TAF4B: variants seen among roughly 807,000 people sequenced by gnomAD.
TAF4B encodes the protein TATA-box binding protein associated factor 4b.
TAF4B carries 38 observed loss-of-function variants against 86.4 expected under a neutral mutation model. The ratio of observed to expected loss-of-function variants is 0.44; its 90% CI spans 0.34 to 0.58. The LOEUF is 0.58. Ranked by LOEUF, TAF4B falls within the 20% of genes least tolerant of loss-of-function variation. The pLI, the probability that TAF4B is intolerant of heterozygous loss-of-function variation, is 0.02. For synonymous variants in TAF4B, 388 were observed against 391.2 expected (o/e 0.99, Z 0.10); for missense variants, 988 against 1,027.6 (o/e 0.96, Z 0.53).
chr18:26,282,187 A>ACAG, intron 6 of TAF4B, 127 bp downstream of exon 6: 1 of 750,788 alleles, frequency 1.3e-6, no homozygotes, highest in Non-Finnish European at 2.2e-6. Context: ...GAAACCTCTG[A>ACAG]GTGCTTTTGT....
At chr18:26,246,219 A>G (rs778883274) in intron 1 of TAF4B, among the ~76,000 whole-genome samples, 1 of 152,190 alleles carries the variant, frequency 6.6e-6, no homozygotes, top group Non-Finnish European at 1.5e-5. Flanking sequence ...ATATAGAGAA[A>G]TGTAGGCTGG....
At chr18:26,339,686 A>G (rs1472952955) in intron 13 of TAF4B, among the ~76,000 whole-genome samples, 1 of 152,222 alleles carries the variant, frequency 6.6e-6, no homozygotes, top group African/African-American at 2.4e-5. Flanking sequence ...ACAAGCAGGC[A>G]TATCTTTATT....
chr18:26,365,109 C>T (rs1359181605), intron 14 of TAF4B, among the ~76,000 whole-genome samples: 1 of 149,410 alleles, frequency 6.7e-6, no homozygotes, highest in Non-Finnish European at 1.5e-5. Flanking sequence ...TGGATTCAAG[C>T]GATTCTCCTG....
chr18:26,244,503 T>A (rs2055892312), intron 1 of TAF4B, among the ~76,000 whole-genome samples: 2 of 152,176 alleles, frequency 1.3e-5, no homozygotes, highest in Non-Finnish European at 2.9e-5. Flanking sequence ...TAAAGGCAAT[T>A]CCCTGACCCC....
At chr18:26,363,980 C>T (rs919925348) in intron 14 of TAF4B, among the ~76,000 whole-genome samples, 14 of 152,136 alleles carry the variant, frequency 9.2e-5, no homozygotes, top group African/African-American at 3.4e-4. Flanking sequence ...AAAAACATAG[C>T]ACTTTAACAT....
chr18:26,374,818 C>G (rs764894527), intron 14 of TAF4B, among the ~76,000 whole-genome samples: 2 of 152,068 alleles, frequency 1.3e-5, no homozygotes, highest in Non-Finnish European at 2.9e-5. Context: ...GCATTTTTCT[C>G]AAGAATTCCA....
At chr18:26,306,666 C>G (rs2056797872) in intron 9 of TAF4B, among the ~76,000 whole-genome samples, 1 of 152,164 alleles carries the variant, frequency 6.6e-6, no homozygotes, top group Non-Finnish European at 1.5e-5. Context: ...ACAGTACTTT[C>G]TAGTAATTCA....
At chr18:26,308,777 CA>C (rs1171933457) in intron 9 of TAF4B, among the ~76,000 whole-genome samples, 1 of 145,978 alleles carries the variant, frequency 6.9e-6, no homozygotes, top group Non-Finnish European at 1.5e-5. Flanking sequence ...GAGGCTGGGA[CA>C]GGGGAATCGC....
chr18:26,240,278 TCTC>T (rs2055816800), intron 1 of TAF4B, among the ~76,000 whole-genome samples: 1 of 152,182 alleles, frequency 6.6e-6, no homozygotes, highest in Admixed American at 6.5e-5. Flanking sequence ...GGTTTGTAGT[TCTC>T]CTTGAAGAGG....
chr18:26,242,066 T>C (rs2055847789), intron 1 of TAF4B, among the ~76,000 whole-genome samples: 1 of 152,154 alleles, frequency 6.6e-6, no homozygotes, highest in South Asian at 2.1e-4. Flanking sequence ...ATTCTGTTGA[T>C]TTGGGGTGGA....
chr18:26,292,218 A>C, intron 7 of TAF4B, 28 bp from the exon 8 acceptor site: 1 of 1,607,238 alleles, frequency 6.2e-7, no homozygotes, highest in Non-Finnish European at 8.5e-7. Flanking sequence ...AAGTTGAACA[A>C]CTATATTGAT....
chr18:26,272,316 C>T (rs2056330334), intron 3 of TAF4B, among the ~76,000 whole-genome samples: 2 of 152,202 alleles, frequency 1.3e-5, no homozygotes, highest in Non-Finnish European at 2.9e-5. Context: ...GCTGGCCTGA[C>T]AGGAGGCAAA....
At chr18:26,314,036 A>G (rs532503328) in intron 9 of TAF4B, among the ~76,000 whole-genome samples, 2 of 152,016 alleles carry the variant, frequency 1.3e-5, no homozygotes, top group African/African-American at 4.8e-5. Flanking sequence ...CCTCATCCCT[A>G]ATGTGTTGTT....
chr18:26,235,890 G>A (rs2055740999), intron 1 of TAF4B, among the ~76,000 whole-genome samples: 1 of 152,226 alleles, frequency 6.6e-6, no homozygotes. Context: ...TTTGGTTTTT[G>A]TACTCCTAGA....
chr18:26,228,274 G>T (rs916873468), intron 1 of TAF4B, among the ~76,000 whole-genome samples: 1 of 152,170 alleles, frequency 6.6e-6, no homozygotes, highest in Non-Finnish European at 1.5e-5. Flanking sequence ...TGCAAAGATG[G>T]TAAAAAAGGG....
intron 11 of TAF4B, 63 bp from the exon 12 acceptor site, chr18:26,326,952 A>G: frequency 6.4e-7 from 1 of 1,562,518 alleles, no homozygotes; most frequent in African/African-American, 1.4e-5. Flanking sequence ...TTTATACAAT[A>G]CCTAATGTAG....
chr18:26,362,867 GA>G (rs1167112734), intron 14 of TAF4B, among the ~76,000 whole-genome samples: 1 of 151,694 alleles, frequency 6.6e-6, no homozygotes, highest in East Asian at 1.9e-4. Context: ...TTATTCGGAG[GA>G]AAAAACATCA....
chr18:26,260,438 C>T (rs1016147683), intron 1 of TAF4B, among the ~76,000 whole-genome samples: 2 of 152,082 alleles, frequency 1.3e-5, no homozygotes, highest in Admixed American at 1.3e-4. Flanking sequence ...GTCTTTAATC[C>T]ATCTTAAATT....
At chr18:26,308,077 C>G (rs1389587975) in intron 9 of TAF4B, among the ~76,000 whole-genome samples, 2 of 151,918 alleles carry the variant, frequency 1.3e-5, no homozygotes, top group Non-Finnish European at 2.9e-5. Flanking sequence ...CCATTGCACT[C>G]AAGCCAAAAA....
Sources: gnomAD v4.1 joint callset for allele counts (sites outside exome capture counted in the v4.1 genomes callset) on GRCh38, gnomAD v4.1.1 for gene constraint, MANE v1.5 for transcripts, NCBI Gene and HGNC (gene_info 2026-07-23, HGNC 2026-07-21) for gene names.